RNF122: variants seen among roughly 807,000 people sequenced by gnomAD.
The protein encoded by RNF122 is ring finger protein 122.
A neutral mutation model predicts 24.2 loss-of-function variants in RNF122; 17 were observed. That is an observed-to-expected ratio of 0.70 (90% confidence interval 0.48 to 1.06). The LOEUF is 1.06. Among genes scored for constraint, RNF122 ranks in the 50% least tolerant of loss-of-function variants. The pLI, the probability that RNF122 is intolerant of heterozygous loss-of-function variation, is 0.00. For missense variants in RNF122, 168 were observed against 198.1 expected (o/e 0.85, Z 0.91); for synonymous variants, 65 against 71.8 (o/e 0.91, Z 0.48).
At chr8:33,560,998 G>A (rs1301325094) in intron 1 of RNF122, among the ~76,000 whole-genome samples, 1 of 152,066 alleles carries the variant, frequency 6.6e-6, no homozygotes, top group East Asian at 1.9e-4. Flanking sequence ...AAGGGAAAGA[G>A]GGGAGTCCTT....
intron 2 of RNF122, among the ~76,000 whole-genome samples, chr8:33,551,999 A>G (rs1183796342): frequency 1.3e-5 from 2 of 152,246 alleles, no homozygotes; most frequent in Non-Finnish European, 2.9e-5. Flanking sequence ...TGGCAATAGC[A>G]TAATATAATG....
In RNF122 at chr8:33,548,610, A is replaced by G. The variant is rs1244883306; in HGVS notation, c.*143T>C. The G allele has an allele frequency of 1.8e-5, 11 of 623,532 alleles. No individual in the cohort carries two copies. The highest frequency in any genetic ancestry group is 3.2e-5 in the Non-Finnish European group (11 of 343,310). 38.6% of individuals were successfully genotyped at this position (623,532 alleles called of 1,614,324 possible). ...CTGGCACTGGTCTTGCACTGAGGGT[A>G]GAAGCCCAGTCCTAGACCACCCTTC... On this transcript the variant is annotated 3_prime_UTR_variant, in exon 6 of 6. Coordinates refer to ENST00000256257, the MANE Select transcript of RNF122 (RefSeq NM_024787.3).
intron 1 of RNF122, among the ~76,000 whole-genome samples, chr8:33,562,420 T>C (rs1323356122): frequency 4.0e-5 from 6 of 151,362 alleles, no homozygotes; most frequent in Non-Finnish European, 8.8e-5. Context: ...TAAGTGCCTA[T>C]AATCCCAGCT....
intron 1 of RNF122, among the ~76,000 whole-genome samples, chr8:33,561,029 T>C (rs1358351854): frequency 6.6e-6 from 1 of 152,012 alleles, no homozygotes; most frequent in Non-Finnish European, 1.5e-5. Flanking sequence ...AGAGCTGGAA[T>C]TTGCTGTTCA....
At position 33,549,433 on chromosome 8, in the gene RNF122, C is replaced by T. The variant is rs778441882; in HGVS notation, c.330G>A (p.Pro110=). Residue 110 remains proline, a synonymous_variant, in exon 5 of 6, where the codon CCG becomes CCA. Coordinates refer to ENST00000256257, the MANE Select transcript of RNF122 (RefSeq NM_024787.3). The part of the protein sequence containing the change: ...FKGKDELGVL[P]CQHAFHRKCL... ...ACTTGCGGTGAAAGGCGTGTTGGCA[C>T]GGGAGCACGCCTAACTCATCCTTCC... The T allele has an allele frequency of 1.2e-5, 20 of 1,613,894 alleles. No individual in the cohort carries two copies. The highest frequency in any genetic ancestry group is 1.6e-4 in the Middle Eastern group (1 of 6,084).
At chr8:33,561,727 C>T (rs1186913046) in intron 1 of RNF122, among the ~76,000 whole-genome samples, 1 of 151,860 alleles carries the variant, frequency 6.6e-6, no homozygotes, top group Non-Finnish European at 1.5e-5. Context: ...ATTTCTAGTA[C>T]AGACTGGGTT....
intron 2 of RNF122, among the ~76,000 whole-genome samples, chr8:33,557,860 C>T (rs186002568): frequency 3.0e-4 from 46 of 152,028 alleles, no homozygotes; most frequent in Non-Finnish European, 4.6e-4. Context: ...CAAGTAGCTC[C>T]GCCCGGGTGT....
At chr8:33,554,550 T>A (rs958548249) in intron 2 of RNF122, among the ~76,000 whole-genome samples, 3 of 152,110 alleles carry the variant, frequency 2.0e-5, no homozygotes, top group East Asian at 3.9e-4. Flanking sequence ...GAGATCATGA[T>A]GAAATGTGGC....
In RNF122 at chr8:33,566,824, C is replaced by A; in HGVS notation, c.-101G>T. The A allele has an allele frequency of 3.1e-6, 4 of 1,293,252 alleles. No individual in the cohort carries two copies. The highest frequency in any genetic ancestry group is 2.2e-6 in the Non-Finnish European group (2 of 915,702). The allele number at this position is 1,293,252 out of a possible 1,614,324, so 80.1% of individuals were successfully genotyped here. On this transcript the variant is annotated 5_prime_UTR_variant, in exon 1 of 6. Coordinates refer to ENST00000256257, the MANE Select transcript of RNF122 (RefSeq NM_024787.3). The stretch of plus-strand genomic sequence containing the variant: ...CGGCGTGAGGGGCCGCAGGCGGGGT[C>A]GGGGCAGCGCGCTGCAGCCGCCCTG...
intron 1 of RNF122, among the ~76,000 whole-genome samples, chr8:33,564,649 G>C (rs762321088): frequency 6.6e-6 from 1 of 152,146 alleles, no homozygotes; most frequent in Non-Finnish European, 1.5e-5. Context: ...GAGGTGGGCA[G>C]ATCACCTGAG....
chr8:33,556,611 C>T (rs906049265), intron 2 of RNF122, among the ~76,000 whole-genome samples: 2 of 151,996 alleles, frequency 1.3e-5, no homozygotes, highest in Admixed American at 6.6e-5. Context: ...TTGCTTAACA[C>T]GGGTGTGCGG....
chr8:33,558,484 G>A (rs993303143), intron 2 of RNF122, 131 bp downstream of exon 2: 68 of 599,772 alleles, frequency 1.1e-4, no homozygotes, highest in Middle Eastern at 4.7e-4. Flanking sequence ...AGGCTCAGCC[G>A]TGTCCTCAAA....
intron 2 of RNF122, among the ~76,000 whole-genome samples, chr8:33,557,228 T>C (rs1810466599): frequency 6.6e-6 from 1 of 152,136 alleles, no homozygotes; most frequent in Admixed American, 6.6e-5. Context: ...TACAGAACAG[T>C]CCCATACAAT....
rs1021035689 is a variant in RNF122 at position 33,558,624 on chromosome 8, T to C, written c.173A>G (p.Tyr58Cys). Residue 58 changes from tyrosine to cysteine, a missense_variant, in exon 2 of 6, where the codon TAT becomes TGT. Transcript: ENST00000256257. ...CCAGGGATCCACGCACCTGATAAAATAGCAGCAGAAGATAAGGCTGAGCAT... is the reference window on the plus strand; with the variant it reads ...CCAGGGATCCACGCACCTGATAAAACAGCAGCAGAAGATAAGGCTGAGCAT... ...VFMLSLIFCC[Y>C]FISKLRNQAQ... is the part of the protein sequence containing the mutation. 1.9e-6 allele frequency: 3 copies of C among 1,605,224 alleles called. No individual in the cohort carries two copies. Among genetic ancestry groups the C allele is most frequent in the Admixed American group, 1.7e-5 (1 of 59,370 alleles).
chr8:33,559,848 T>C (rs1316634999), intron 1 of RNF122, among the ~76,000 whole-genome samples: 1 of 151,610 alleles, frequency 6.6e-6, no homozygotes, highest in Admixed American at 6.6e-5. Context: ...CTGTTTTTTT[T>C]TTTTTTTTTT....
In RNF122 at chr8:33,554,857, G is replaced by A. The variant is rs139828600; in HGVS notation, c.183-3468C>T. Among the ~76,000 whole-genome samples the A allele has an allele frequency of 3.9e-3, 592 of 152,332 alleles. 6 individuals are homozygous for A. Among genetic ancestry groups the A allele is most frequent in the African/African-American group, 0.014 (578 of 41,574 alleles). ...TGTGTAGGGCAGAGGTCAGCTCTGAGAGAGGGGGAAGAATGAGCGAGGGGC... is the reference window on the plus strand; with the variant it reads ...TGTGTAGGGCAGAGGTCAGCTCTGAAAGAGGGGGAAGAATGAGCGAGGGGC... On this transcript the variant is annotated intron_variant, in intron 2 of 5. Transcript: ENST00000256257.
intron 1 of RNF122, among the ~76,000 whole-genome samples, chr8:33,563,401 C>T (rs1211532972): frequency 6.6e-6 from 1 of 152,184 alleles, no homozygotes; most frequent in Admixed American, 6.5e-5. Context: ...ATGCACTGAC[C>T]TACACATTGT....
rs1199300404 is a variant in RNF122, at chr8:33,551,331, C to T, written c.228+13G>A. 12 of 1,613,940 alleles carry T rather than the reference C, an allele frequency of 7.4e-6. No homozygotes were observed. The highest frequency in any genetic ancestry group is 4.4e-5 in the South Asian group (4 of 91,080). On this transcript the variant is annotated intron_variant, in intron 3 of 5. Transcript: ENST00000256257. The stretch of plus-strand genomic sequence containing the variant: ...CAGAGAAGGAAGCTTCTGGGAAACA[C>T]GCAGCACTTTACCTCCTTATATCCG...
chr8:33,560,092 T>C (rs1810518398), intron 1 of RNF122, among the ~76,000 whole-genome samples: 1 of 152,136 alleles, frequency 6.6e-6, no homozygotes, highest in South Asian at 2.1e-4. Context: ...TCCACCCACT[T>C]TGGCCTCCCA....
Sources: gnomAD v4.1 joint callset for allele counts (sites outside exome capture counted in the v4.1 genomes callset) on GRCh38, gnomAD v4.1.1 for gene constraint, MANE v1.5 for transcripts, NCBI Gene and HGNC (gene_info 2026-07-23, HGNC 2026-07-21) for gene names.